The following PDE8B variants were observed in gnomAD, a reference collection of about 807,000 sequenced individuals.
PDE8B encodes the protein phosphodiesterase 8B.
In PDE8B, 26 loss-of-function variants were observed where a neutral mutation model predicts 101.3. The ratio of observed to expected loss-of-function variants is 0.26; its 90% CI spans 0.19 to 0.36. PDE8B has a LOEUF of 0.36. Among genes scored for constraint, PDE8B ranks in the 10% least tolerant of loss-of-function variants. The pLI is 1.00. For missense variants in PDE8B, 810 were observed against 1,163.1 expected (o/e 0.70, Z 4.42); for synonymous variants, 424 against 429.3 (o/e 0.99, Z 0.15).
At chr5:77,249,204 A>G (rs1757569082) in intron 1 of PDE8B, among the ~76,000 whole-genome samples, 1 of 152,256 alleles carries the variant, frequency 6.6e-6, no homozygotes, top group Non-Finnish European at 1.5e-5. Context: ...AATGAATTCT[A>G]TCCAAATAAG....
the PDE8B span, among the ~76,000 whole-genome samples, chr5:77,092,764 A>G: frequency 6.6e-6 from 1 of 151,970 alleles, no homozygotes; most frequent in Non-Finnish European, 1.5e-5. Context: ...AAAAAAAAAT[A>G]CAAAAATCAC....
chr5:77,116,209 T>C, the PDE8B span, among the ~76,000 whole-genome samples: 8 of 74,830 alleles, frequency 1.1e-4, no homozygotes, highest in Non-Finnish European at 1.9e-4. Flanking sequence ...TTCTTCTATA[T>C]ATATATATAT....
chr5:77,136,691 T>C, the PDE8B span, among the ~76,000 whole-genome samples: 194 of 152,336 alleles, frequency 1.3e-3, 1 homozygote, highest in Non-Finnish European at 2.3e-3. Flanking sequence ...GGAGAATTGA[T>C]GTCTGGAGAG....
intron 10 of PDE8B, among the ~76,000 whole-genome samples, chr5:77,363,707 A>T (rs1443860547): frequency 7.0e-6 from 1 of 143,194 alleles, no homozygotes. Flanking sequence ...GCAAGACTCC[A>T]TCGCAGAAAA....
intron 1 of PDE8B, among the ~76,000 whole-genome samples, chr5:77,249,679 A>T (rs1290419065): frequency 6.6e-6 from 1 of 152,238 alleles, no homozygotes; most frequent in Non-Finnish European, 1.5e-5. Flanking sequence ...TGCTAGGCAG[A>T]ATAAGGAGAA....
intron 10 of PDE8B, among the ~76,000 whole-genome samples, chr5:77,366,064 GT>G (rs957629188): frequency 1.3e-5 from 2 of 151,952 alleles, no homozygotes; most frequent in East Asian, 1.9e-4. Context: ...AGGTTTTTGG[GT>G]TTTTTTGTTT....
chr5:77,414,056 G>T (rs756769663), intron 17 of PDE8B, among the ~76,000 whole-genome samples: 5 of 152,098 alleles, frequency 3.3e-5, no homozygotes, highest in Non-Finnish European at 5.9e-5. Context: ...TGCCATATGG[G>T]GATTGAAATT....
chr5:77,335,335 A>G (rs1777936396), intron 5 of PDE8B, among the ~76,000 whole-genome samples: 1 of 152,194 alleles, frequency 6.6e-6, no homozygotes, highest in African/African-American at 2.4e-5. Context: ...GCTCAAATGG[A>G]ATCTAACCAT....
intron 9 of PDE8B, 100 bp downstream of exon 9, chr5:77,351,253 T>C (rs991970601): frequency 1.1e-6 from 1 of 872,492 alleles, no homozygotes; most frequent in African/African-American, 1.6e-5. Context: ...CATCCACAAA[T>C]GCAGTAGGGT....
At chr5:77,291,913 A>T in intron 1 of PDE8B, 1 of 940,700 alleles carries the variant, frequency 1.1e-6, no homozygotes, top group South Asian at 1.4e-5. Context: ...TGACTGTGAC[A>T]GTGACTAATC....
At chr5:77,298,613 C>T (rs900931195) in intron 1 of PDE8B, among the ~76,000 whole-genome samples, 1 of 152,222 alleles carries the variant, frequency 6.6e-6, no homozygotes, top group Non-Finnish European at 1.5e-5. Context: ...GCTGGACTTA[C>T]ACCAGTAGAA....
chr5:77,398,777 A>G (rs911539481), intron 10 of PDE8B, among the ~76,000 whole-genome samples: 45 of 152,136 alleles, frequency 3.0e-4, no homozygotes, highest in African/African-American at 9.7e-4. Context: ...TCATCCCCAC[A>G]CTCACGGGGT....
At chr5:77,365,129 G>T (rs1003325048) in intron 10 of PDE8B, among the ~76,000 whole-genome samples, 8 of 152,186 alleles carry the variant, frequency 5.3e-5, no homozygotes, top group African/African-American at 1.7e-4. Context: ...CGATGAGGAG[G>T]AGTGTGGAAG....
intron 1 of PDE8B, among the ~76,000 whole-genome samples, chr5:77,238,772 A>C (rs951101575): frequency 3.9e-4 from 59 of 152,182 alleles, no homozygotes; most frequent in African/African-American, 1.4e-3. Flanking sequence ...TCAATGTGTA[A>C]ATTCTAGTAC....
At chr5:77,304,643 G>A (rs1342646547) in intron 1 of PDE8B, among the ~76,000 whole-genome samples, 4 of 152,124 alleles carry the variant, frequency 2.6e-5, no homozygotes, top group Non-Finnish European at 4.4e-5. Flanking sequence ...CCAAATTAAT[G>A]TACTATTCTA....
chr5:77,343,700 A>G (rs1779627764), intron 6 of PDE8B, among the ~76,000 whole-genome samples: 1 of 152,166 alleles, frequency 6.6e-6, no homozygotes, highest in South Asian at 2.1e-4. Context: ...CCTTTCTTCA[A>G]TAGTAAATTA....
At chr5:77,388,510 C>T (rs1789211491) in intron 10 of PDE8B, among the ~76,000 whole-genome samples, 1 of 152,174 alleles carries the variant, frequency 6.6e-6, no homozygotes, top group Non-Finnish European at 1.5e-5. Flanking sequence ...GTCTGTCGGC[C>T]CCTACTGGGA....
chr5:77,314,092 TGTGAGGTA>T (rs1298367694), intron 2 of PDE8B, among the ~76,000 whole-genome samples: 1 of 152,166 alleles, frequency 6.6e-6, no homozygotes, highest in African/African-American at 2.4e-5. Context: ...TTGTTTATGG[TGTGAGGTA>T]GGGGCTTTAT....
chr5:77,090,148 G>T, the PDE8B span, among the ~76,000 whole-genome samples: 1 of 152,092 alleles, frequency 6.6e-6, no homozygotes, highest in Non-Finnish European at 1.5e-5. Flanking sequence ...AGACAGGTTG[G>T]TGAATGGGTA....
Sources: allele counts gnomAD v4.1 joint callset (sites outside exome capture counted in the v4.1 genomes callset), GRCh38; gene constraint gnomAD v4.1.1; transcripts MANE v1.5; gene names NCBI Gene and HGNC (gene_info 2026-07-23, HGNC 2026-07-21).